The following RFX2 variants were observed in gnomAD, a reference collection of about 807,000 sequenced individuals.
The protein encoded by RFX2 is regulatory factor X2, also known as DNA-binding protein RFX2.
Under a neutral mutation model 87.8 loss-of-function variants are expected in RFX2, and 20 were observed. That is an observed-to-expected ratio of 0.23 (90% CI 0.16 to 0.33). RFX2 has a LOEUF of 0.33. Among genes scored for constraint, RFX2 ranks in the 10% least tolerant of loss-of-function variants. RFX2 has a pLI of 1.00. For missense variants in RFX2, 767 were observed against 1,012.3 expected (o/e 0.76, Z 3.29); for synonymous variants, 397 against 431.3 (o/e 0.92, Z 0.98).
At chr19:6,104,608 T>C (rs1454190823) in intron 1 of RFX2, among the ~76,000 whole-genome samples, 1 of 151,706 alleles carries the variant, frequency 6.6e-6, no homozygotes, top group Non-Finnish European at 1.5e-5. Flanking sequence ...GGTGTCGCTA[T>C]GTTGCCCAGG....
intron 9 of RFX2, among the ~76,000 whole-genome samples, chr19:6,009,853 G>A (rs1181961244): frequency 2.0e-5 from 3 of 152,162 alleles, no homozygotes; most frequent in African/African-American, 7.2e-5. Context: ...GGCATGAGCC[G>A]CCTGTCCTCT....
chr19:6,039,082 TAGTGAATGAATA>T lies in RFX2; in HGVS notation c.522+886_522+897del, dbSNP rs1337537770. Among the ~76,000 whole-genome samples the T allele has an allele frequency of 6.6e-6, 1 of 152,162 alleles. No homozygotes were observed. The highest frequency in any genetic ancestry group is 1.5e-5 in the Non-Finnish European group (1 of 68,034). ...GGAAACCATCCAAATGGCCCTCAAC[TAGTGAATGAATA>T]AACAAACTGTAGTGTAATAGAATAT... On this transcript the variant is annotated intron_variant, in intron 5 of 17. Coordinates refer to ENST00000303657, the MANE Select transcript of RFX2 (RefSeq NM_000635.4). The surrounding 1 kb of genome is among the most constrained non-coding windows in gnomAD (Gnocchi z 5.2).
At chr19:5,996,395 C>T (rs1459965092) in intron 16 of RFX2, among the ~76,000 whole-genome samples, 1 of 76,640 alleles carries the variant, frequency 1.3e-5, no homozygotes, top group Non-Finnish European at 2.7e-5. Context: ...GGAGAGGAAC[C>T]AGGCTTTGAC....
rs191639924 is a variant in RFX2 at position 6,021,269 on chromosome 19, G to A, written c.597+4894C>T. Reference sequence around the variant, plus strand: ...TTTCACCCATTCCACAAATATTTACGAGAGCTGGCTCTATGCCAGGCCTTG... The same window carrying A: ...TTTCACCCATTCCACAAATATTTACAAGAGCTGGCTCTATGCCAGGCCTTG... On this transcript the variant is annotated intron_variant, in intron 6 of 17. Coordinates refer to ENST00000303657, the MANE Select transcript of RFX2 (RefSeq NM_000635.4). This position sits in a 1 kb window ranked among gnomAD's most constrained non-coding sequence, Gnocchi z 5.7. Among the ~76,000 whole-genome samples the A allele has an allele frequency of 3.9e-5, 6 of 152,304 alleles. No individual in the cohort carries two copies. The highest frequency in any genetic ancestry group is 1.9e-4 in the East Asian group (1 of 5,184).
In RFX2 at chr19:6,061,590, G is replaced by A. The variant is rs914534019; in HGVS notation, c.-8-14086C>T. Among the ~76,000 whole-genome samples the A allele has an allele frequency of 2.6e-5, 4 of 152,330 alleles. No individual in the cohort carries two copies. Among genetic ancestry groups the A allele is most frequent in the Admixed American group, 6.5e-5 (1 of 15,304 alleles). ...TGGTTCCCTTCCTACTCCCGGCCCC[G>A]CCTCTGGATCTTACTGGGGAGTCGG... is the stretch of plus-strand genomic sequence containing the variant. On this transcript the variant is annotated intron_variant, in intron 1 of 17. Transcript: ENST00000303657. The surrounding 1 kb of genome is among the most constrained non-coding windows in gnomAD (Gnocchi z 5.2).
intron 1 of RFX2, among the ~76,000 whole-genome samples, chr19:6,105,599 C>A (rs2088204696): frequency 6.6e-6 from 1 of 152,144 alleles, no homozygotes; most frequent in Non-Finnish European, 1.5e-5. Flanking sequence ...CCAGGGTTAA[C>A]AGGCCCCGTC....
At chr19:6,059,042 C>T (rs1252919988) in intron 1 of RFX2, among the ~76,000 whole-genome samples, 9 of 151,902 alleles carry the variant, frequency 5.9e-5, no homozygotes, top group African/African-American at 2.2e-4. Context: ...TGCAGTGATG[C>T]GATCATAGTT....
rs2086849852 is a variant in RFX2, at chr19:6,023,663, T to C, written c.597+2500A>G. Among the ~76,000 whole-genome samples the C allele has an allele frequency of 6.6e-6, 1 of 152,184 alleles. No individual in the cohort carries two copies. Among genetic ancestry groups the C allele is most frequent in the African/African-American group, 2.4e-5 (1 of 41,436 alleles). Reference sequence around the variant, plus strand: ...AGAGATTTTACCTTCAGCTCGGGAATACGAATCTTCATCGGGGAAGCGACC... The same window carrying C: ...AGAGATTTTACCTTCAGCTCGGGAACACGAATCTTCATCGGGGAAGCGACC... On this transcript the variant is annotated intron_variant, in intron 6 of 17. Coordinates refer to ENST00000303657, the MANE Select transcript of RFX2 (RefSeq NM_000635.4). The surrounding 1 kb of genome is among the most constrained non-coding windows in gnomAD (Gnocchi z 4.9).
At chr19:6,102,758 G>A (rs1367855930) in intron 1 of RFX2, among the ~76,000 whole-genome samples, 1 of 152,288 alleles carries the variant, frequency 6.6e-6, no homozygotes, top group African/African-American at 2.4e-5. Flanking sequence ...TGGACGCCAG[G>A]AGCCCAGTCC....
At chr19:6,019,202 G>A (rs1466010561) in intron 6 of RFX2, among the ~76,000 whole-genome samples, 1 of 152,282 alleles carries the variant, frequency 6.6e-6, no homozygotes, top group East Asian at 1.9e-4. Context: ...TTTGAATAAG[G>A]GGCAGTTAAA....
In RFX2 at chr19:6,011,876, C is replaced by T. The variant is rs1257972750; in HGVS notation, c.899+1110G>A. 6.6e-6 allele frequency among the ~76,000 whole-genome samples: 1 copy of T among 152,178 alleles called. No individual in the cohort carries two copies. Among genetic ancestry groups the T allele is most frequent in the Non-Finnish European group, 1.5e-5 (1 of 68,040 alleles). ...ATGTGGCCCCTGCCCTCAGGGGGGGCACTTGTGGAGGCACACTGGGAGGCA... is the reference window on the plus strand; with the variant it reads ...ATGTGGCCCCTGCCCTCAGGGGGGGTACTTGTGGAGGCACACTGGGAGGCA... On this transcript the variant is annotated intron_variant, in intron 8 of 17. Transcript: ENST00000303657. This position sits in a 1 kb window ranked among gnomAD's most constrained non-coding sequence, Gnocchi z 4.8.
chr19:6,059,465 C>T (rs898956596), intron 1 of RFX2, among the ~76,000 whole-genome samples: 3 of 152,208 alleles, frequency 2.0e-5, no homozygotes, highest in Middle Eastern at 3.2e-3. Context: ...CCTGATTCCA[C>T]TGCTTCTAGC....
At chr19:6,071,833 A>T (rs1599904960) in intron 1 of RFX2, among the ~76,000 whole-genome samples, 1 of 152,354 alleles carries the variant, frequency 6.6e-6, no homozygotes, top group East Asian at 1.9e-4. Flanking sequence ...CTTGAGGGGA[A>T]ATGTTATTTT....
At chr19:6,038,932 C>T (rs1014479683) in intron 5 of RFX2, among the ~76,000 whole-genome samples, 2 of 152,188 alleles carry the variant, frequency 1.3e-5, no homozygotes, top group Non-Finnish European at 2.9e-5. Flanking sequence ...GTTAAACATA[C>T]ACTTTCTGTA....
At chr19:6,098,360 G>A (rs2088060022) in intron 1 of RFX2, among the ~76,000 whole-genome samples, 1 of 152,064 alleles carries the variant, frequency 6.6e-6, no homozygotes. Context: ...GGCTCTCCCT[G>A]CACCGAGACA....
intron 13 of RFX2, among the ~76,000 whole-genome samples, chr19:6,003,198 C>T (rs2086518719): frequency 6.6e-6 from 1 of 152,142 alleles, no homozygotes; most frequent in Admixed American, 6.5e-5. Context: ...CTGAGTGCTA[C>T]AGGATCAGAC....
intron 1 of RFX2, among the ~76,000 whole-genome samples, chr19:6,058,135 C>A (rs544396684): frequency 1.3e-5 from 2 of 152,322 alleles, no homozygotes; most frequent in African/African-American, 4.8e-5. Context: ...CAGTGTGTGT[C>A]CCCACTTGGC....
At chr19:6,009,585 T>G (rs2086634431) in intron 9 of RFX2, among the ~76,000 whole-genome samples, 1 of 152,106 alleles carries the variant, frequency 6.6e-6, no homozygotes. Context: ...TTCTTTTTTT[T>G]TTTCTTTAAT....
chr19:6,019,561 CT>C (rs371545871), intron 6 of RFX2, among the ~76,000 whole-genome samples: 8,051 of 102,330 alleles, frequency 0.079, 742 homozygotes, highest in African/African-American at 0.26. Context: ...CTTTTATATA[CT>C]TTTTTTTTTT....
Sources: gnomAD v4.1 joint callset for allele counts (sites outside exome capture counted in the v4.1 genomes callset) on GRCh38, gnomAD v4.1.1 for gene constraint, Gnocchi (gnomAD v3.1) non-coding constraint, MANE v1.5 for transcripts, NCBI Gene and HGNC (gene_info 2026-07-23, HGNC 2026-07-21) for gene names.